DCAF8L2: variants seen among roughly 807,000 people sequenced by gnomAD.
DCAF8L2 encodes the protein DDB1 and CUL4 associated factor 8 like 2.
For missense variants in DCAF8L2, 430 were observed against 490.7 expected (o/e 0.88, Z 1.17); for synonymous variants, 200 against 190.9 (o/e 1.05, Z -0.39).
At chrX:27,661,535 T>G (rs1929558521) in intron 2 of DCAF8L2, among the ~76,000 whole-genome samples, 1 of 111,828 alleles carries the variant, frequency 8.9e-6, no homozygotes, top group African/African-American at 3.3e-5. Context: ...TTTATTTGTT[T>G]TCCCAATGTT....
chrX:27,587,985 A>AAAAAAAAAAAATATATAT, upstream of DCAF8L2, among the ~76,000 whole-genome samples: 12 of 22,356 alleles, frequency 5.4e-4, no homozygotes, highest in African/African-American at 1.2e-3. Flanking sequence ...TAAAAAAAAA[A>AAAAAAAAAAAATATATAT]ATATATATAT....
At chrX:27,627,612 T>C (rs1243376541) in intron 1 of DCAF8L2, among the ~76,000 whole-genome samples, 1 of 107,625 alleles carries the variant, frequency 9.3e-6, no homozygotes, top group Non-Finnish European at 1.9e-5. Context: ...ATACATAATA[T>C]GGGCCGGGCA....
the DCAF8L2 span, among the ~76,000 whole-genome samples, chrX:27,544,035 CT>C: frequency 2.7e-5 from 3 of 111,662 alleles, no homozygotes; most frequent in Non-Finnish European, 5.6e-5. Flanking sequence ...TATGGTCCCC[CT>C]TTTTTACTGA....
intron 3 of DCAF8L2, among the ~76,000 whole-genome samples, chrX:27,696,334 A>AAAG (rs1569184625): frequency 5.8e-4 from 19 of 32,617 alleles, no homozygotes; most frequent in East Asian, 3.0e-3. Context: ...AAGAAAGAAA[A>AAAG]AGAAAGAAAG....
the DCAF8L2 span, among the ~76,000 whole-genome samples, chrX:27,511,407 A>T: frequency 9.0e-6 from 1 of 111,488 alleles, no homozygotes; most frequent in Non-Finnish European, 1.9e-5. Flanking sequence ...TCATATTTCC[A>T]AGCATTAGAG....
rs750858907 is a variant in DCAF8L2 at position 27,747,438 on chromosome X, C to A, written c.543C>A (p.Ala181=). ...LEEWVSSETS[A]LPRPRWQVVT... is the part of the protein sequence containing the mutation. ...AGTGGGTTTCCTCAGAGACATCTGC[C>A]CTGCCCCGACCTCGCTGGCAGGTCG... Residue 181 remains alanine, a synonymous_variant, in exon 5 of 5, where the codon GCC becomes GCA. Transcript: ENST00000451261. 8.5e-7 allele frequency: 1 copy of A among 1,173,724 alleles called. No individual in the cohort carries two copies. Among genetic ancestry groups the A allele is most frequent in the Non-Finnish European group, 1.1e-6 (1 of 876,174 alleles).
intron 2 of DCAF8L2, among the ~76,000 whole-genome samples, chrX:27,653,725 TACAC>T (rs34651746): frequency 2.9e-3 from 269 of 92,052 alleles, no homozygotes; most frequent in South Asian, 0.01. Context: ...CAGATATGTA[TACAC>T]ACACACACAC....
chrX:27,534,434 C>T, the DCAF8L2 span, among the ~76,000 whole-genome samples: 2 of 111,458 alleles, frequency 1.8e-5, no homozygotes, highest in Admixed American at 9.6e-5. Flanking sequence ...TAGAGAATAA[C>T]GAAGTAGTTG....
At chrX:27,654,353 CT>C (rs1468798851) in intron 2 of DCAF8L2, among the ~76,000 whole-genome samples, 5 of 112,071 alleles carry the variant, frequency 4.5e-5, no homozygotes, top group Non-Finnish European at 9.4e-5. Flanking sequence ...CATGAACTAC[CT>C]GGTATTTGCC....
chrX:27,641,236 G>C (rs1376593039), intron 2 of DCAF8L2, among the ~76,000 whole-genome samples: 1 of 110,978 alleles, frequency 9.0e-6, no homozygotes, highest in Non-Finnish European at 1.9e-5. Flanking sequence ...TCTACCTAAA[G>C]GATTTCATTT....
the DCAF8L2 span, among the ~76,000 whole-genome samples, chrX:27,497,549 C>CTTCCTTCCTTCCTTCCTTCTTTCT: frequency 9.3e-5 from 6 of 64,436 alleles, no homozygotes; most frequent in Non-Finnish European, 1.4e-4. Context: ...TCCTTCCTTC[C>CTTCCTTCCTTCCTTCCTTCTTTCT]TTCTTTCTTT....
In DCAF8L2 at chrX:27,747,550, C is replaced by T. The variant is rs754671102; in HGVS notation, c.655C>T (p.Arg219Cys). 16 of 1,183,411 alleles carry T rather than the reference C, an allele frequency of 1.4e-5. No individual in the cohort carries two copies. The highest frequency in any genetic ancestry group is 1.1e-4 in the South Asian group (6 of 53,659). Residue 219 changes from arginine to cysteine, a missense_variant, in exon 5 of 5, where the codon CGC (arginine) becomes TGC (cysteine). Coordinates refer to ENST00000451261, the MANE Select transcript of DCAF8L2 (RefSeq NM_001353450.2). ...GGCAAGAGCCTTTGTGCAGCGTTTC[C>T]GCCTGCAATATCGTCTTGCAGACCA... Reference protein sequence around the residue: ...CGARAFVQRFRLQYRLADHVG... With the variant: ...CGARAFVQRFCLQYRLADHVG...
At chrX:27,576,346 A>C in the DCAF8L2 span, among the ~76,000 whole-genome samples, 2 of 112,102 alleles carry the variant, frequency 1.8e-5, no homozygotes, top group Non-Finnish European at 3.8e-5. Context: ...TGGGCAAGTC[A>C]TGGAACCATT....
intron 2 of DCAF8L2, among the ~76,000 whole-genome samples, chrX:27,660,306 G>A (rs1929510996): frequency 8.9e-6 from 1 of 112,155 alleles, no homozygotes; most frequent in African/African-American, 3.2e-5. Context: ...TTACAGGTGT[G>A]AGCCACCATG....
At chrX:27,737,943 G>A (rs970512261) in intron 4 of DCAF8L2, among the ~76,000 whole-genome samples, 1 of 111,461 alleles carries the variant, frequency 9.0e-6, no homozygotes, top group Non-Finnish European at 1.9e-5. Context: ...TGTTACTTCC[G>A]TGAGGGCAGA....
At chrX:27,526,022 A>C in the DCAF8L2 span, among the ~76,000 whole-genome samples, 4 of 111,257 alleles carry the variant, frequency 3.6e-5, no homozygotes, top group Admixed American at 3.8e-4. Context: ...GCTCTTCTCA[A>C]GGAGTGTCTT....
upstream of DCAF8L2, among the ~76,000 whole-genome samples, chrX:27,587,985 A>AAAT: frequency 0.011 from 239 of 22,308 alleles, 1 homozygote; most frequent in African/African-American, 0.023. Flanking sequence ...TAAAAAAAAA[A>AAAT]ATATATATAT....
At chrX:27,661,164 T>C (rs761344820) in intron 2 of DCAF8L2, among the ~76,000 whole-genome samples, 15 of 111,930 alleles carry the variant, frequency 1.3e-4, no homozygotes, top group Non-Finnish European at 2.8e-4. Context: ...GGCTTAGGGC[T>C]TGTGACTGCT....
the DCAF8L2 span, among the ~76,000 whole-genome samples, chrX:27,541,404 T>C: frequency 9.2e-6 from 1 of 108,228 alleles, no homozygotes; most frequent in Admixed American, 1.0e-4. Context: ...AGTTTCTCTC[T>C]TGTTGCCCAG....
Sources: gnomAD v4.1 joint callset for allele counts (sites outside exome capture counted in the v4.1 genomes callset) on GRCh38, gnomAD v4.1.1 for gene constraint, MANE v1.5 for transcripts, NCBI Gene and HGNC (gene_info 2026-07-23, HGNC 2026-07-21) for gene names.